Variants in CRYM observed in about 807,000 individuals in gnomAD.
CRYM encodes crystallin mu.
CRYM carries 18 observed loss-of-function variants against 32.9 expected under a neutral mutation model. That is an observed-to-expected ratio of 0.55 (90% CI 0.38 to 0.81). The LOEUF (loss-of-function observed/expected upper bound fraction) is 0.81. Among genes scored for constraint, CRYM ranks in the 30% least tolerant of loss-of-function variants. CRYM has a pLI of 0.00. For missense variants in CRYM, 337 were observed against 393.5 expected, an observed-to-expected ratio of 0.86 and a Z score of 1.21; for synonymous variants, 153 against 152.4, an observed-to-expected ratio of 1.00 and a Z score of -0.03.
At chr16:21,282,813 A>G (rs2093400454), upstream of CRYM, among the ~76,000 whole-genome samples, 1 of 152,168 alleles carries the variant, frequency 6.6e-6, no homozygotes, top group Non-Finnish European at 1.5e-5. Context: ...TCTTGGTTGC[A>G]TCACTTCTTT....
chr16:21,263,480 G>T (rs1406574470), intron 5 of CRYM, among the ~76,000 whole-genome samples: 2 of 152,098 alleles, frequency 1.3e-5, no homozygotes, highest in Non-Finnish European at 2.9e-5. Flanking sequence ...CTCCCAAACT[G>T]TTGGGACCAC....
At chr16:21,282,284 T>C (rs369113964), upstream of CRYM, among the ~76,000 whole-genome samples, 88 of 152,320 alleles carry the variant, frequency 5.8e-4, 2 homozygotes, top group South Asian at 0.018. Flanking sequence ...AGCCTCTTTC[T>C]TCTGTAAATT....
At chr16:21,262,506 C>A (rs997422008) in intron 5 of CRYM, among the ~76,000 whole-genome samples, 3 of 152,086 alleles carry the variant, frequency 2.0e-5, no homozygotes, top group Non-Finnish European at 4.4e-5. Flanking sequence ...GTAGTCTTTG[C>A]TACTCTGGAG....
chr16:21,259,609 T>A (rs1293099549), intron 7 of CRYM, among the ~76,000 whole-genome samples: 1 of 152,208 alleles, frequency 6.6e-6, no homozygotes, highest in Non-Finnish European at 1.5e-5. Context: ...TCAGACATCA[T>A]GAAATATTTT....
At chr16:21,275,956 A>G (rs2093385317) in intron 2 of CRYM, among the ~76,000 whole-genome samples, 1 of 152,184 alleles carries the variant, frequency 6.6e-6, no homozygotes, top group Admixed American at 6.5e-5. Context: ...AGAAGGAACT[A>G]GAGAGAGAAG....
chr16:21,290,688 T>G (rs1960624235), intron 1 of CRYM, among the ~76,000 whole-genome samples: 1 of 152,202 alleles, frequency 6.6e-6, no homozygotes, highest in African/African-American at 2.4e-5. Flanking sequence ...CTTAAACATG[T>G]TTCTTATTTA....
At chr16:21,263,093 G>A (rs2093357613) in intron 5 of CRYM, among the ~76,000 whole-genome samples, 1 of 152,100 alleles carries the variant, frequency 6.6e-6, no homozygotes, top group Admixed American at 6.5e-5. Context: ...AGGCTGGAGT[G>A]TAGTGGTGCA....
chr16:21,275,609 G>C lies in CRYM; in HGVS notation c.325-15C>G. On this transcript the variant is annotated splice_polypyrimidine_tract_variant and intron_variant, in intron 2 of 7. Coordinates refer to ENST00000572914, the MANE Select transcript of CRYM (RefSeq NM_001376256.1). ...CCATCCATGACCTTGGAGGAAAAGAGAGACAGTGAGCAAGGGGAACCCCTG... is the reference window on the plus strand; with the variant it reads ...CCATCCATGACCTTGGAGGAAAAGACAGACAGTGAGCAAGGGGAACCCCTG... The C allele has an allele frequency of 6.2e-7, 1 of 1,608,964 alleles. No individual in the cohort carries two copies. Among genetic ancestry groups the C allele is most frequent in the Non-Finnish European group, 8.5e-7 (1 of 1,175,290 alleles).
rs901310558 is a variant in CRYM, at chr16:21,261,530, G to A, written c.796-192C>T. On this transcript the variant is annotated intron_variant, in intron 6 of 7. Transcript: ENST00000572914. ...GCTGGCCCCGAAATCCTTTTGGGGTGGCATTTGCTTTTGTGATACCATAAA... is the reference window on the plus strand; with the variant it reads ...GCTGGCCCCGAAATCCTTTTGGGGTAGCATTTGCTTTTGTGATACCATAAA... 4 of 614,998 alleles carry A rather than the reference G, an allele frequency of 6.5e-6. No individual in the cohort carries two copies. The South Asian group carries it at 7.9e-5, about 12-fold the overall frequency. 38.1% of individuals were successfully genotyped at this position (614,998 alleles called of 1,614,324 possible). A position where few individuals can be genotyped will look rare whatever the true frequency, so the allele number is the denominator to read the frequency against.
upstream of CRYM, among the ~76,000 whole-genome samples, chr16:21,282,100 C>T (rs2093399260): frequency 1.3e-5 from 2 of 152,144 alleles, no homozygotes; most frequent in African/African-American, 4.8e-5. Flanking sequence ...CTTTCCCCTG[C>T]GGTTCTGATG....
chr16:21,277,618 C>A lies in CRYM; in HGVS notation c.171-34G>T. 2 of 1,611,604 alleles carry A rather than the reference C, an allele frequency of 1.2e-6. No homozygotes were observed. Among genetic ancestry groups the A allele is most frequent in the Non-Finnish European group, 1.7e-6 (2 of 1,179,384 alleles). On this transcript the variant is annotated intron_variant, in intron 1 of 7. Coordinates refer to ENST00000572914, the MANE Select transcript of CRYM (RefSeq NM_001376256.1). This position sits in a 1 kb window ranked among gnomAD's most constrained non-coding sequence, Gnocchi z 4.2. The stretch of plus-strand genomic sequence containing the variant: ...AGAGAGGGAGCAGCTTCAGCCCCTT[C>A]CCATCAATGCTGGGGTCTCTTAGAA...
intron 5 of CRYM, among the ~76,000 whole-genome samples, chr16:21,264,305 T>C (rs1166565028): frequency 2.0e-5 from 3 of 152,212 alleles, no homozygotes; most frequent in Non-Finnish European, 2.9e-5. Flanking sequence ...GGCCACTCCT[T>C]CTCACTGGAC....
At chr16:21,265,893 A>T (rs914336447) in intron 5 of CRYM, among the ~76,000 whole-genome samples, 9 of 152,184 alleles carry the variant, frequency 5.9e-5, no homozygotes, top group African/African-American at 2.2e-4. Context: ...CTGAGGATAG[A>T]GTGCCTCCGT....
At position 21,267,560 on chromosome 16, in the gene CRYM, T is replaced by C. The variant is rs749751148; in HGVS notation, c.667A>G (p.Ile223Val). ...FGEWVKPGAHINAVGASRPDW... is the reference protein window; with the variant it reads ...FGEWVKPGAHVNAVGASRPDW... ...ATGGAGCCACTCTACTTACCATTGA[T>C]GTGAGCCCCTGGCTTCACCCATTCA... is the stretch of plus-strand genomic sequence containing the variant. Residue 223 changes from isoleucine to valine, a missense_variant, in exon 5 of 8, where the codon ATC becomes GTC. Ile to Val is a conservative substitution (Grantham distance 29, BLOSUM62 3). Coordinates refer to ENST00000572914, the MANE Select transcript of CRYM (RefSeq NM_001376256.1). 2 of 1,613,714 alleles carry C rather than the reference T, an allele frequency of 1.2e-6. No homozygotes were observed. Among genetic ancestry groups the C allele is most frequent in the South Asian group, 1.1e-5 (1 of 91,042 alleles).
chr16:21,282,347 G>T (rs571479315), upstream of CRYM, among the ~76,000 whole-genome samples: 1 of 152,044 alleles, frequency 6.6e-6, no homozygotes, highest in Non-Finnish European at 1.5e-5. Flanking sequence ...ATAATACAGC[G>T]TGCTTCCCAG....
upstream of CRYM, among the ~76,000 whole-genome samples, chr16:21,283,056 A>G (rs561017312): frequency 1.6e-4 from 25 of 152,230 alleles, no homozygotes; most frequent in South Asian, 5.0e-3. Context: ...CTTCCCTGAG[A>G]CCTTGTCCTG....
chr16:21,260,254 C>T (rs1485299158), intron 7 of CRYM, among the ~76,000 whole-genome samples: 1 of 152,122 alleles, frequency 6.6e-6, no homozygotes, highest in Non-Finnish European at 1.5e-5. Flanking sequence ...GTTTACCAAC[C>T]AGTTTGGGAG....
At chr16:21,260,139 C>G (rs1408313135) in intron 7 of CRYM, among the ~76,000 whole-genome samples, 1 of 152,102 alleles carries the variant, frequency 6.6e-6, no homozygotes, top group Non-Finnish European at 1.5e-5. Flanking sequence ...CCAGAGCGCT[C>G]CTGATGCTCT....
chr16:21,261,375 T>TA, intron 6 of CRYM, 37 bp from the exon 7 acceptor site: 1 of 1,569,360 alleles, frequency 6.4e-7, no homozygotes, highest in East Asian at 2.2e-5. Context: ...GGCATGAAGC[T>TA]AAAGTCTGTG....
Sources: gnomAD v4.1 joint callset for allele counts (sites outside exome capture counted in the v4.1 genomes callset) on GRCh38, gnomAD v4.1.1 for gene constraint, Gnocchi (gnomAD v3.1) non-coding constraint, MANE v1.5 for transcripts, NCBI Gene and HGNC (gene_info 2026-07-23, HGNC 2026-07-21) for gene names.